The following UGT1A6 variants were observed in gnomAD, a reference collection of about 807,000 sequenced individuals.
UGT1A6 encodes the protein UDP-glucuronosyltransferase 1A6.
Under a neutral mutation model 44.4 loss-of-function variants are expected in UGT1A6, and 32 were observed. The observed-to-expected ratio is 0.72, with a 90% confidence interval of 0.54 to 0.97. The LOEUF is 0.97. Among genes scored for constraint, UGT1A6 ranks in the 50% least tolerant of loss-of-function variants. UGT1A6 has a pLI of 0.00. For missense variants in UGT1A6, 685 were observed against 661.9 expected (o/e 1.03, Z -0.38); for synonymous variants, 238 against 248.5 (o/e 0.96, Z 0.40).
intron 1 of UGT1A6, among the ~76,000 whole-genome samples, chr2:233,715,749 G>C (rs1295869903): frequency 1.3e-5 from 2 of 152,196 alleles, no homozygotes; most frequent in African/African-American, 2.4e-5. Flanking sequence ...TCCAGCCTGA[G>C]TGACAGAGCG....
intron 1 of UGT1A6, among the ~76,000 whole-genome samples, chr2:233,704,025 G>T (rs2075764465): frequency 6.6e-6 from 1 of 151,894 alleles, no homozygotes; most frequent in Non-Finnish European, 1.5e-5. Flanking sequence ...CGAGCAGCTG[G>T]AACTACAGGT....
chr2:233,710,234 T>C (rs1256330216), intron 1 of UGT1A6, among the ~76,000 whole-genome samples: 1 of 152,254 alleles, frequency 6.6e-6, no homozygotes, highest in East Asian at 1.9e-4. Flanking sequence ...CTATGACTAT[T>C]CGAGTACGAG....
chr2:233,746,319 G>C (rs1444609554), intron 1 of UGT1A6, among the ~76,000 whole-genome samples: 1 of 151,794 alleles, frequency 6.6e-6, no homozygotes, highest in Admixed American at 6.5e-5. Flanking sequence ...CCCTGTAGAT[G>C]ATCTACAGGG....
At chr2:233,696,554 T>C (rs2075349375) in intron 1 of UGT1A6, among the ~76,000 whole-genome samples, 1 of 152,236 alleles carries the variant, frequency 6.6e-6, no homozygotes, top group African/African-American at 2.4e-5. Context: ...GAATATATTA[T>C]GTCATCTGAG....
upstream of UGT1A6, chr2:233,692,324 C>T (rs2125551324): frequency 6.5e-6 from 1 of 153,470 alleles, no homozygotes; most frequent in South Asian, 2.0e-4. Flanking sequence ...TAAACCAAAC[C>T]TAGTAAATAA....
At chr2:233,730,095 T>G (rs1360215327) in intron 1 of UGT1A6, 1 of 1,591,544 alleles carries the variant, frequency 6.3e-7, no homozygotes, top group Non-Finnish European at 8.5e-7. Context: ...TCTTTCCAAA[T>G]ATTTCATTTC....
chr2:233,732,054 CA>C (rs1380241108), intron 1 of UGT1A6, among the ~76,000 whole-genome samples: 13 of 152,278 alleles, frequency 8.5e-5, no homozygotes, highest in Non-Finnish European at 4.4e-5. Flanking sequence ...AGCATTTATT[CA>C]TGTGTCTGTT....
At chr2:233,702,441 A>T (rs897669442) in intron 1 of UGT1A6, among the ~76,000 whole-genome samples, 12 of 152,156 alleles carry the variant, frequency 7.9e-5, no homozygotes, top group Non-Finnish European at 1.5e-4. Flanking sequence ...TCTAATAAGG[A>T]TAACATTTAT....
intron 1 of UGT1A6, among the ~76,000 whole-genome samples, chr2:233,717,449 A>C (rs2076575928): frequency 6.6e-6 from 1 of 152,324 alleles, no homozygotes; most frequent in Admixed American, 6.5e-5. Flanking sequence ...GCATCCATTC[A>C]CTGCCTGTCC....
At chr2:233,740,765 C>T (rs894944360) in intron 1 of UGT1A6, 8 of 151,662 alleles carry the variant, frequency 5.3e-5, no homozygotes, top group South Asian at 2.1e-4. Context: ...CTTATCAAAC[C>T]GTTGTATAAA....
intron 4 of UGT1A6, 74 bp from the exon 5 acceptor site, chr2:233,772,188 C>A (rs1559419594): frequency 1.1e-5 from 17 of 1,595,306 alleles, no homozygotes; most frequent in Middle Eastern, 2.0e-4. Context: ...TCTTCTTAAG[C>A]AGCCATGAGC....
rs936360060 is a variant in UGT1A6 at position 233,744,308 on chromosome 2, A to G, written c.862-22726A>G. On this transcript the variant is annotated intron_variant, in intron 1 of 4. Coordinates refer to ENST00000305139, the MANE Select transcript of UGT1A6 (RefSeq NM_001072.4). Reference sequence around the variant, plus strand: ...GTCTTTTTCCTCGGCCACAGGAGGGAAGAGGGTGGTGGGAGTGAGTTTAGT... The same window carrying G: ...GTCTTTTTCCTCGGCCACAGGAGGGGAGAGGGTGGTGGGAGTGAGTTTAGT... Among the ~76,000 whole-genome samples, 68 of 151,726 alleles carry G rather than the reference A, an allele frequency of 4.5e-4. 2 individuals are homozygous for G. The highest frequency in any genetic ancestry group is 1.7e-3 in the African/African-American group (68 of 41,046).
At chr2:233,693,982 G>T (rs2075192875) in intron 1 of UGT1A6, 117 bp downstream of exon 1, 9 of 1,554,596 alleles carry the variant, frequency 5.8e-6, no homozygotes, top group Non-Finnish European at 7.8e-6. Context: ...AACGGTGGGG[G>T]GAAGTGATAC....
At chr2:233,730,473 C>T (rs1012603500) in intron 1 of UGT1A6, among the ~76,000 whole-genome samples, 5 of 152,168 alleles carry the variant, frequency 3.3e-5, no homozygotes, top group African/African-American at 4.8e-5. Flanking sequence ...GAGACCTAGG[C>T]ACTCACATGA....
At chr2:233,768,164 C>A in intron 3 of UGT1A6, 56 bp from the exon 4 acceptor site, 1 of 1,613,412 alleles carries the variant, frequency 6.2e-7, no homozygotes, top group South Asian at 1.1e-5. Context: ...CTAGATGTGT[C>A]CAGCTGTGAA....
chr2:233,724,426 G>T, intron 1 of UGT1A6, among the ~76,000 whole-genome samples: 1 of 134,712 alleles, frequency 7.4e-6, no homozygotes, highest in Admixed American at 7.3e-5. Flanking sequence ...GGGCGGAGAG[G>T]CTCCTCACTT....
At chr2:233,713,359 T>C (rs773018216) in intron 1 of UGT1A6, 18 of 1,614,046 alleles carry the variant, frequency 1.1e-5, no homozygotes, top group Non-Finnish European at 1.4e-5. Flanking sequence ...ATGTCTTTGA[T>C]CATACATAGG....
intron 1 of UGT1A6, among the ~76,000 whole-genome samples, chr2:233,758,340 C>G (rs1004425999): frequency 6.6e-6 from 1 of 152,226 alleles, no homozygotes; most frequent in Non-Finnish European, 1.5e-5. Flanking sequence ...CTTGGAAGCT[C>G]TGCATGATGC....
chr2:233,692,244 C>G (rs1287404440), upstream of UGT1A6: 1 of 152,330 alleles, frequency 6.6e-6, no homozygotes, highest in Non-Finnish European at 1.5e-5. Flanking sequence ...CATGGCCATA[C>G]CCCCATATCT....
Sources: gnomAD v4.1 joint callset for allele counts (sites outside exome capture counted in the v4.1 genomes callset) on GRCh38, gnomAD v4.1.1 for gene constraint, MANE v1.5 for transcripts, NCBI Gene and HGNC (gene_info 2026-07-23, HGNC 2026-07-21) for gene names.